Variants in DNM3 observed in about 807,000 individuals in gnomAD.
The protein encoded by DNM3 is dynamin 3, also known as dynamin-3.
In DNM3, 47 loss-of-function variants were observed where a neutral mutation model predicts 101.6. The observed-to-expected ratio is 0.46, with a 90% CI of 0.37 to 0.59. DNM3 has a LOEUF of 0.59. DNM3 is among the 20% of genes least tolerant of loss of function. The pLI is 0.00. For synonymous variants in DNM3, 385 were observed against 387.9 expected (o/e 0.99, Z 0.09); for missense variants, 849 against 1,085.7 (o/e 0.78, Z 3.06).
chr1:171,962,579 C>T (rs1227153496), intron 2 of DNM3, among the ~76,000 whole-genome samples: 2 of 152,148 alleles, frequency 1.3e-5, no homozygotes, highest in Non-Finnish European at 2.9e-5. Context: ...TGAGGCCCCT[C>T]TTTCTGGCAT....
At chr1:171,880,443 G>A (rs1204486549) in intron 1 of DNM3, among the ~76,000 whole-genome samples, 1 of 152,128 alleles carries the variant, frequency 6.6e-6, no homozygotes, top group African/African-American at 2.4e-5. Context: ...TTCCACTGGT[G>A]ATTATGCTAG....
intron 4 of DNM3, among the ~76,000 whole-genome samples, chr1:171,993,295 A>G (rs573907076): frequency 1.8e-4 from 28 of 151,544 alleles, no homozygotes; most frequent in African/African-American, 5.8e-4. Context: ...TCAGTAAGGG[A>G]TTCTCTTGGT....
chr1:172,124,699 G>A (rs1306117501), intron 13 of DNM3, among the ~76,000 whole-genome samples: 1 of 152,068 alleles, frequency 6.6e-6, no homozygotes, highest in African/African-American at 2.4e-5. Flanking sequence ...TTCTTGCCCT[G>A]GCCCAGAGCA....
At chr1:172,243,666 C>T (rs1447093313) in intron 14 of DNM3, among the ~76,000 whole-genome samples, 1 of 152,018 alleles carries the variant, frequency 6.6e-6, no homozygotes. Flanking sequence ...CTAGAACAGT[C>T]CATCAAACAC....
chr1:172,165,886 T>G (rs2058725177), intron 14 of DNM3, among the ~76,000 whole-genome samples: 1 of 152,104 alleles, frequency 6.6e-6, no homozygotes, highest in South Asian at 2.1e-4. Context: ...AAACCTTAAT[T>G]AATTAAGGAA....
intron 15 of DNM3, among the ~76,000 whole-genome samples, chr1:172,271,241 A>G (rs540262745): frequency 1.8e-4 from 27 of 152,120 alleles, no homozygotes; most frequent in Non-Finnish European, 3.8e-4. Flanking sequence ...AAATGCTAAA[A>G]TCATAGCTTC....
chr1:172,001,676 G>A (rs2046366340), intron 4 of DNM3, among the ~76,000 whole-genome samples: 1 of 151,976 alleles, frequency 6.6e-6, no homozygotes, highest in African/African-American at 2.4e-5. Flanking sequence ...ACCATCCCAA[G>A]AGGAATGTGA....
chr1:172,017,335 C>T (rs947977181), intron 4 of DNM3, among the ~76,000 whole-genome samples: 4 of 151,834 alleles, frequency 2.6e-5, no homozygotes, highest in Non-Finnish European at 5.9e-5. Flanking sequence ...ATATCTTATT[C>T]AATATTATAC....
At position 172,304,206 on chromosome 1, in the gene DNM3, C is replaced by CAAAAAAAAAAAAAA. The variant is rs575733774; in HGVS notation, c.1770-4519_1770-4506dup. The stretch of plus-strand genomic sequence containing the variant: ...GAATATCTACCATGCAAAAGGAAAG[C>CAAAAAAAAAAAAAA]AAAAAAAAAAAAAAAACAGGAGTTG... On this transcript the variant is annotated intron_variant, in intron 15 of 20. Transcript: ENST00000627582. Among the ~76,000 whole-genome samples, 28 of 36,356 alleles carry CAAAAAAAAAAAAAA rather than the reference C, an allele frequency of 7.7e-4. No individual in the cohort carries two copies. In the East Asian group the frequency reaches 0.01, roughly 13 times the overall value. The allele number at this position is 36,356 out of a possible 152,430, so 23.9% of individuals were successfully genotyped here. A position where few individuals can be genotyped will look rare whatever the true frequency, so the allele number is the denominator to read the frequency against.
intron 13 of DNM3, among the ~76,000 whole-genome samples, chr1:172,128,641 G>A (rs991460615): frequency 6.6e-6 from 1 of 152,050 alleles, no homozygotes; most frequent in African/African-American, 2.4e-5. Flanking sequence ...TTTGTATTAA[G>A]TTTTCAAAAT....
At chr1:171,939,348 C>T (rs1313212659) in intron 2 of DNM3, among the ~76,000 whole-genome samples, 2 of 152,138 alleles carry the variant, frequency 1.3e-5, no homozygotes, top group African/African-American at 4.8e-5. Context: ...AATTACCACT[C>T]ATGATTGTGA....
chr1:172,027,201 T>C (rs1198861161), intron 4 of DNM3, among the ~76,000 whole-genome samples: 2 of 152,064 alleles, frequency 1.3e-5, no homozygotes, highest in Admixed American at 6.6e-5. Context: ...ACAGGCAAAA[T>C]AGCCAGCTAG....
intron 17 of DNM3, among the ~76,000 whole-genome samples, chr1:172,334,919 T>G (rs1020613688): frequency 9.2e-5 from 14 of 152,182 alleles, no homozygotes; most frequent in African/African-American, 3.1e-4. Context: ...TCTAAAAGCC[T>G]GTTTCAAAAT....
intron 17 of DNM3, among the ~76,000 whole-genome samples, chr1:172,358,270 A>G (rs2067550693): frequency 6.6e-6 from 1 of 152,086 alleles, no homozygotes; most frequent in Non-Finnish European, 1.5e-5. Context: ...GTGTGTGCGT[A>G]GGTAAAAATG....
intron 17 of DNM3, among the ~76,000 whole-genome samples, chr1:172,343,983 CA>C (rs1406041057): frequency 2.0e-5 from 3 of 152,160 alleles, no homozygotes; most frequent in Non-Finnish European, 2.9e-5. Flanking sequence ...AACTTTCCTT[CA>C]GCTGGTCAAT....
At chr1:172,204,460 G>A (rs1271405896) in intron 14 of DNM3, among the ~76,000 whole-genome samples, 1 of 151,966 alleles carries the variant, frequency 6.6e-6, no homozygotes, top group Non-Finnish European at 1.5e-5. Context: ...TTCCCCTCTT[G>A]AGCATCACTA....
chr1:172,226,884 CAT>C (rs2061143361), intron 14 of DNM3, among the ~76,000 whole-genome samples: 2 of 151,954 alleles, frequency 1.3e-5, no homozygotes, highest in Admixed American at 1.3e-4. Flanking sequence ...AATAAAGACA[CAT>C]TTTGTTTCAT....
chr1:172,135,574 T>C (rs1479642282), intron 14 of DNM3, among the ~76,000 whole-genome samples: 1 of 152,134 alleles, frequency 6.6e-6, no homozygotes, highest in East Asian at 1.9e-4. Flanking sequence ...TTGAAAATCA[T>C]TTAAACAGAA....
At chr1:171,908,701 T>G (rs558920938) in intron 1 of DNM3, among the ~76,000 whole-genome samples, 3 of 152,254 alleles carry the variant, frequency 2.0e-5, no homozygotes, top group Non-Finnish European at 4.4e-5. Flanking sequence ...TTATTGTACA[T>G]TTGTTTATTA....
Sources: gnomAD v4.1 joint callset for allele counts (sites outside exome capture counted in the v4.1 genomes callset) on GRCh38, gnomAD v4.1.1 for gene constraint, MANE v1.5 for transcripts, NCBI Gene and HGNC (gene_info 2026-07-23, HGNC 2026-07-21) for gene names.